Variants in CALN1 observed in about 807,000 individuals in gnomAD.
CALN1 encodes calneuron 1, also known as calcium-binding protein 8.
A neutral mutation model predicts 30.6 loss-of-function variants in CALN1; 17 were observed. That is an observed-to-expected ratio of 0.56 (90% CI 0.38 to 0.83). The LOEUF is 0.83. CALN1 is among the 40% of genes least tolerant of loss of function. The probability of loss-of-function intolerance (pLI) is 0.00; values close to 1 mark genes in which losing one functional copy is unlikely to be tolerated. For synonymous variants in CALN1, 156 were observed against 131.4 expected (o/e 1.19, Z -1.28); for missense variants, 291 against 354.9 (o/e 0.82, Z 1.45).
intron 2 of CALN1, chr7:72,337,061 C>T (rs969556069): frequency 2.0e-6 from 2 of 985,690 alleles, no homozygotes; most frequent in African/African-American, 1.7e-5. Context: ...ACCCCTCCCG[C>T]TCCCGCTGGC....
At chr7:72,433,652 GC>G (rs1442900733) in intron 1 of CALN1, among the ~76,000 whole-genome samples, 4 of 152,196 alleles carry the variant, frequency 2.6e-5, no homozygotes, top group Admixed American at 2.0e-4. Context: ...AGCATCTCAG[GC>G]TTCAGGTGAA....
chr7:72,050,907 G>A (rs551080147), intron 4 of CALN1, among the ~76,000 whole-genome samples: 1 of 151,750 alleles, frequency 6.6e-6, no homozygotes, highest in Admixed American at 6.6e-5. Context: ...CAGGAGAATC[G>A]CATGAACCCA....
At chr7:72,004,933 T>C (rs901195658) in intron 5 of CALN1, among the ~76,000 whole-genome samples, 1 of 152,116 alleles carries the variant, frequency 6.6e-6, no homozygotes, top group Non-Finnish European at 1.5e-5. Context: ...AATGCAAAAC[T>C]GCAGTTGAGA....
At chr7:71,807,506 T>C (rs1223208982) in intron 6 of CALN1, among the ~76,000 whole-genome samples, 6 of 152,316 alleles carry the variant, frequency 3.9e-5, no homozygotes, top group African/African-American at 1.4e-4. Flanking sequence ...CCTGACATAA[T>C]GTTTTTGCAA....
At chr7:72,133,162 C>A (rs545090322) in intron 3 of CALN1, among the ~76,000 whole-genome samples, 1 of 152,216 alleles carries the variant, frequency 6.6e-6, no homozygotes, top group South Asian at 2.1e-4. Flanking sequence ...GCATTAAGTT[C>A]ATTTGATGGA....
chr7:72,196,698 C>T (rs1396597741), intron 3 of CALN1, among the ~76,000 whole-genome samples: 1 of 152,202 alleles, frequency 6.6e-6, no homozygotes, highest in Admixed American at 6.5e-5. Flanking sequence ...AGGGAGAAAT[C>T]GGAATGCAAA....
intron 3 of CALN1, among the ~76,000 whole-genome samples, chr7:72,207,122 C>G (rs888367202): frequency 6.6e-5 from 10 of 152,164 alleles, no homozygotes; most frequent in African/African-American, 9.7e-5. Flanking sequence ...TTGGTAAAAT[C>G]TGCATTTCAT....
chr7:72,076,983 G>GTA (rs1185236311), intron 4 of CALN1, among the ~76,000 whole-genome samples: 2 of 151,864 alleles, frequency 1.3e-5, no homozygotes, highest in Non-Finnish European at 2.9e-5. Context: ...GAGTGCAGTG[G>GTA]TACCTCTTTC....
intron 2 of CALN1, among the ~76,000 whole-genome samples, chr7:72,334,595 G>A (rs1366010210): frequency 2.0e-5 from 3 of 152,032 alleles, no homozygotes; most frequent in African/African-American, 7.3e-5. Flanking sequence ...CTCAACAGAA[G>A]CAGCTGAATT....
At chr7:72,198,980 A>G (rs1791229117) in intron 3 of CALN1, among the ~76,000 whole-genome samples, 2 of 152,178 alleles carry the variant, frequency 1.3e-5, no homozygotes. Context: ...AGAGGTTTAA[A>G]ATGGTAAATT....
At chr7:72,178,382 G>A (rs148049074) in intron 3 of CALN1, among the ~76,000 whole-genome samples, 111 of 152,294 alleles carry the variant, frequency 7.3e-4, no homozygotes, top group Middle Eastern at 3.4e-3. Context: ...CATAATCACT[G>A]TAACTGCTAA....
chr7:72,501,924 A>AT, the CALN1 span, among the ~76,000 whole-genome samples: 33 of 84,230 alleles, frequency 3.9e-4, 2 homozygotes, highest in South Asian at 1.8e-3. Context: ...AAAAAAAAAA[A>AT]AAAAATATAT....
chr7:72,363,023 G>C (rs1203172937), intron 2 of CALN1, among the ~76,000 whole-genome samples: 1 of 152,160 alleles, frequency 6.6e-6, no homozygotes, highest in East Asian at 1.9e-4. Flanking sequence ...TTTTAAGGAT[G>C]TTCTTTTTTT....
chr7:72,292,143 C>A lies in CALN1; in HGVS notation c.120-13333G>T, dbSNP rs563641641. 3.3e-5 allele frequency among the ~76,000 whole-genome samples: 5 copies of A among 152,068 alleles called. No homozygotes were observed. The East Asian group carries it at 7.8e-4, about 24-fold the overall frequency. ...TTGCACCAACCATTACTTTCAATGG[C>A]AAAAATCGCAATTACTCTTGCACCA... is the stretch of plus-strand genomic sequence containing the variant. On this transcript the variant is annotated intron_variant, in intron 2 of 6. Transcript: ENST00000395275.
intron 5 of CALN1, among the ~76,000 whole-genome samples, chr7:71,992,217 AAAC>A (rs1383692904): frequency 6.6e-6 from 1 of 152,254 alleles, no homozygotes; most frequent in South Asian, 2.1e-4. Flanking sequence ...AAGGAAATGA[AAAC>A]AAGCTGCATA....
chr7:71,869,684 T>C (rs553706903), intron 5 of CALN1, among the ~76,000 whole-genome samples: 1 of 152,338 alleles, frequency 6.6e-6, no homozygotes, highest in South Asian at 2.1e-4. Context: ...CCTGTTAACC[T>C]GGGATTAATT....
Position 71,785,954 on chromosome 7 carries a change from C to G in CALN1, c.*1821G>C, listed in dbSNP as rs1218766532. 1 of 152,710 alleles carries G rather than the reference C, an allele frequency of 6.5e-6. No homozygotes were observed. The highest frequency in any genetic ancestry group is 1.5e-5 in the Non-Finnish European group (1 of 68,082). 9.5% of individuals were successfully genotyped at this position (152,710 alleles called of 1,614,324 possible). A position where few individuals can be genotyped will look rare whatever the true frequency, so the allele number is the denominator to read the frequency against. ...CTGTGATCCCCCAGGCTCTTGGGAG[C>G]TTACATCTGCTCCCTCCTCCATATT... On this transcript the variant is annotated 3_prime_UTR_variant, in exon 7 of 7. Coordinates refer to ENST00000395275, the MANE Select transcript of CALN1 (RefSeq NM_031468.4).
chr7:72,229,125 G>A (rs553857423), intron 3 of CALN1, among the ~76,000 whole-genome samples: 9 of 151,880 alleles, frequency 5.9e-5, no homozygotes, highest in Middle Eastern at 3.4e-3. Context: ...AGGGAAAAAC[G>A]AACATGGAAG....
chr7:72,211,176 C>T (rs369664068), intron 3 of CALN1, among the ~76,000 whole-genome samples: 11 of 152,156 alleles, frequency 7.2e-5, no homozygotes, highest in African/African-American at 2.4e-4. Flanking sequence ...ATTCTCCAGG[C>T]TGGCCCCAAC....
Sources: allele counts gnomAD v4.1 joint callset (sites outside exome capture counted in the v4.1 genomes callset), GRCh38; gene constraint gnomAD v4.1.1; transcripts MANE v1.5; gene names NCBI Gene and HGNC (gene_info 2026-07-23, HGNC 2026-07-21).